The following ATP6V0D2 variants were observed in gnomAD, a reference collection of about 807,000 sequenced individuals.
ATP6V0D2 encodes the protein V-type proton ATPase subunit d 2.
A neutral mutation model predicts 40.0 loss-of-function variants in ATP6V0D2; 40 were observed. The ratio of observed to expected loss-of-function variants is 1.00; its 90% CI spans 0.78 to 1.30. The LOEUF is 1.30. Among genes scored for constraint, ATP6V0D2 ranks in the 50% most tolerant of loss-of-function variants. The pLI is 0.00. For synonymous variants in ATP6V0D2, 179 were observed against 156.3 expected (o/e 1.15, Z -1.08); for missense variants, 470 against 423.1 (o/e 1.11, Z -0.97).
chr8:86,112,290 T>A (rs1818536550), intron 1 of ATP6V0D2, among the ~76,000 whole-genome samples: 1 of 152,218 alleles, frequency 6.6e-6, no homozygotes, highest in Non-Finnish European at 1.5e-5. Context: ...CTGCCTGAGA[T>A]AATTAAATCT....
At chr8:86,130,552 G>T (rs962650741) in intron 2 of ATP6V0D2, among the ~76,000 whole-genome samples, 1 of 151,826 alleles carries the variant, frequency 6.6e-6, no homozygotes, top group Non-Finnish European at 1.5e-5. Flanking sequence ...ACAAAATAAA[G>T]AATGAGCTAA....
rs755514597 is a variant in ATP6V0D2, at chr8:86,113,825, G to C, written c.247G>C (p.Glu83Gln). The change falls in exon 2 of 8, where the codon GAG becomes CAG. Residue 83 changes from glutamate to glutamine, a missense_variant. By Grantham distance (29) the Glu-to-Gln change is conservative (BLOSUM62 2). Transcript: ENST00000285393. ...GAGGAAAAGACTATGTGGAGAATTT[G>C]AGTATTTCCGGAATCATTCCCTGGA... ...EMRKRLCGEF[E>Q]YFRNHSLEPL... 5 of 1,613,866 alleles carry C rather than the reference G, an allele frequency of 3.1e-6. No individual in the cohort carries two copies. The highest frequency in any genetic ancestry group is 4.2e-6 in the Non-Finnish European group (5 of 1,179,900).
Position 86,150,210 on chromosome 8 carries a change from A to G in ATP6V0D2, c.738A>G (p.Lys246=). The change falls in exon 6 of 8, where the codon AAA becomes AAG. Residue 246 remains lysine (K), a synonymous_variant. Transcript: ENST00000285393. ...DRETLYPTFG[K]LYPEGLRLLA... is the part of the protein sequence containing the mutation. ...AGACCCTCTATCCAACCTTCGGCAA[A>G]CTCTATCCTGAGGGGTTGCGGCTGT... is the stretch of plus-strand genomic sequence containing the variant. 1.2e-6 allele frequency: 2 copies of G among 1,613,092 alleles called. No homozygotes were observed. Among genetic ancestry groups the G allele is most frequent in the Non-Finnish European group, 1.7e-6 (2 of 1,179,844 alleles).
At chr8:86,150,358 C>T in intron 6 of ATP6V0D2, 70 bp downstream of exon 6, 10 of 1,438,254 alleles carry the variant, frequency 7.0e-6, no homozygotes, top group Non-Finnish European at 9.5e-6. Flanking sequence ...GAAGCTCACA[C>T]ATCAAATTTC....
At chr8:86,145,277 GA>G (rs1217125166) in intron 5 of ATP6V0D2, among the ~76,000 whole-genome samples, 11 of 69,408 alleles carry the variant, frequency 1.6e-4, no homozygotes, top group Admixed American at 4.6e-4. Context: ...AAGAAAGAAA[GA>G]AAGAAAGAAA....
intron 2 of ATP6V0D2, among the ~76,000 whole-genome samples, chr8:86,129,103 G>T (rs535638529): frequency 6.6e-6 from 1 of 152,198 alleles, no homozygotes; most frequent in Non-Finnish European, 1.5e-5. Flanking sequence ...GGCACTCTAC[G>T]AGTGCTTTCA....
chr8:86,105,039 T>G (rs1029006076), intron 1 of ATP6V0D2, among the ~76,000 whole-genome samples: 7 of 152,200 alleles, frequency 4.6e-5, no homozygotes, highest in African/African-American at 1.7e-4. Flanking sequence ...ACCATCTCCC[T>G]TTAAAGTCTT....
intron 1 of ATP6V0D2, among the ~76,000 whole-genome samples, chr8:86,104,098 G>A (rs1818436421): frequency 6.6e-6 from 1 of 152,094 alleles, no homozygotes. Flanking sequence ...AAAGTGCTGG[G>A]ATTACAGGCA....
At chr8:86,133,316 CTTTTTTTTT>C (rs1242479597) in intron 2 of ATP6V0D2, among the ~76,000 whole-genome samples, 3 of 77,298 alleles carry the variant, frequency 3.9e-5, no homozygotes, top group Admixed American at 1.7e-4. Flanking sequence ...AACAGAAAGT[CTTTTTTTTT>C]TTTTTTTTTT....
intron 2 of ATP6V0D2, among the ~76,000 whole-genome samples, chr8:86,117,734 C>T (rs1818609193): frequency 6.6e-6 from 1 of 152,178 alleles, no homozygotes; most frequent in Non-Finnish European, 1.5e-5. Flanking sequence ...CCCAGAAGGG[C>T]TGATGTTACT....
chr8:86,100,320 A>G (rs1479925171), intron 1 of ATP6V0D2, among the ~76,000 whole-genome samples: 2 of 152,190 alleles, frequency 1.3e-5, no homozygotes, highest in Non-Finnish European at 2.9e-5. Context: ...CAAAACCCAT[A>G]TAGGTCAATA....
At chr8:86,107,619 T>C (rs1818484468) in intron 1 of ATP6V0D2, among the ~76,000 whole-genome samples, 1 of 152,254 alleles carries the variant, frequency 6.6e-6, no homozygotes, top group Non-Finnish European at 1.5e-5. Context: ...AAGTTGTTTT[T>C]AATCTGCCTA....
chr8:86,126,686 A>G (rs1818749537), intron 2 of ATP6V0D2, among the ~76,000 whole-genome samples: 1 of 152,210 alleles, frequency 6.6e-6, no homozygotes, highest in Non-Finnish European at 1.5e-5. Context: ...AAGAAAAAAG[A>G]TATCACCTCT....
At chr8:86,149,076 C>CAAAAAAAAAA in intron 5 of ATP6V0D2, among the ~76,000 whole-genome samples, 8 of 114,914 alleles carry the variant, frequency 7.0e-5, no homozygotes, top group East Asian at 2.6e-4. Context: ...AAAAAAAAAA[C>CAAAAAAAAAA]CAATGAACAA....
intron 5 of ATP6V0D2, among the ~76,000 whole-genome samples, 196 bp downstream of exon 5, chr8:86,143,150 G>C (rs1011184856): frequency 1.3e-5 from 2 of 152,066 alleles, no homozygotes; most frequent in African/African-American, 4.8e-5. Flanking sequence ...TTGGAATATG[G>C]AAGTTTTCTA....
At chr8:86,148,564 A>G (rs1456780697) in intron 5 of ATP6V0D2, among the ~76,000 whole-genome samples, 3 of 152,208 alleles carry the variant, frequency 2.0e-5, no homozygotes, top group African/African-American at 4.8e-5. Context: ...ATGAAAATGC[A>G]GATTCTGGTT....
Position 86,150,181 on chromosome 8 carries a change from C to A in ATP6V0D2, c.709C>A (p.Arg237=). Residue 237 remains arginine, a synonymous_variant, in exon 6 of 8, where the codon CGA becomes AGA. Transcript: ENST00000285393. ...TGGCACTGAATTGAGCAAAGAAGACCGAGAGACCCTCTATCCAACCTTCGG... is the reference window on the plus strand; with the variant it reads ...TGGCACTGAATTGAGCAAAGAAGACAGAGAGACCCTCTATCCAACCTTCGG... ...SFGTELSKED[R]ETLYPTFGKL... is the part of the protein sequence containing the mutation. The A allele has an allele frequency of 1.9e-6, 3 of 1,613,298 alleles. No individual in the cohort carries two copies. The highest frequency in any genetic ancestry group is 2.5e-6 in the Non-Finnish European group (3 of 1,179,830).
chr8:86,114,010 T>A, intron 2 of ATP6V0D2, 130 bp downstream of exon 2: 4 of 874,644 alleles, frequency 4.6e-6, no homozygotes, highest in Non-Finnish European at 6.4e-6. Flanking sequence ...TTAAATTCAT[T>A]CACATTTTAG....
At chr8:86,099,804 C>T (rs1249837849) in intron 1 of ATP6V0D2, among the ~76,000 whole-genome samples, 1 of 152,184 alleles carries the variant, frequency 6.6e-6, no homozygotes, top group African/African-American at 2.4e-5. Context: ...GATTCTTATA[C>T]ATTTTAAAGA....
Sources: allele counts gnomAD v4.1 joint callset (sites outside exome capture counted in the v4.1 genomes callset), GRCh38; gene constraint gnomAD v4.1.1; transcripts MANE v1.5; gene names NCBI Gene and HGNC (gene_info 2026-07-23, HGNC 2026-07-21).